Variants in NRXN3 observed in about 807,000 individuals in gnomAD.
The protein encoded by NRXN3 is neurexin 3.
A neutral mutation model predicts 137.6 loss-of-function variants in NRXN3; 32 were observed. The ratio of observed to expected loss-of-function variants is 0.23; its 90% CI spans 0.18 to 0.31. The LOEUF (loss-of-function observed/expected upper bound fraction) is 0.31. Among genes scored for constraint, NRXN3 ranks in the 10% least tolerant of loss-of-function variants. The pLI is 1.00. For synonymous variants in NRXN3, 798 were observed against 784.5 expected, an observed-to-expected ratio of 1.02 and a Z score of -0.29; for missense variants, 1,574 against 2,062.5, an observed-to-expected ratio of 0.76 and a Z score of 4.59.
intron 4 of NRXN3, among the ~76,000 whole-genome samples, chr14:78,487,530 G>A (rs971436118): frequency 1.2e-4 from 18 of 152,106 alleles, no homozygotes; most frequent in African/African-American, 4.3e-4. Flanking sequence ...ATCACTTGAG[G>A]TCAGGAGTTC....
intron 19 of NRXN3, among the ~76,000 whole-genome samples, chr14:79,753,105 C>A (rs979699566): frequency 4.0e-5 from 6 of 151,334 alleles, no homozygotes; most frequent in African/African-American, 1.2e-4. Flanking sequence ...AATAGGAACA[C>A]TTTTACACTG....
intron 15 of NRXN3, among the ~76,000 whole-genome samples, chr14:79,085,677 G>A (rs1316280457): frequency 2.4e-4 from 37 of 152,022 alleles, no homozygotes; most frequent in Admixed American, 2.4e-3. Flanking sequence ...GGGAAAGGAA[G>A]CACAAAAAAT....
intron 20 of NRXN3, among the ~76,000 whole-genome samples, chr14:79,851,593 T>C (rs988982253): frequency 7.2e-5 from 11 of 152,150 alleles, no homozygotes; most frequent in African/African-American, 2.7e-4. Context: ...AAAGAGTTCT[T>C]AGGAGTGGTT....
intron 19 of NRXN3, among the ~76,000 whole-genome samples, chr14:79,775,732 A>G (rs2099094938): frequency 6.6e-6 from 1 of 152,160 alleles, no homozygotes; most frequent in Admixed American, 6.6e-5. Context: ...CACTAAGTAG[A>G]CATTCTAGCC....
chr14:78,964,674 G>C (rs2099414148), intron 11 of NRXN3, among the ~76,000 whole-genome samples: 1 of 152,084 alleles, frequency 6.6e-6, no homozygotes, highest in Non-Finnish European at 1.5e-5. Flanking sequence ...GTAGAACATG[G>C]TTTGTTATGT....
At chr14:78,354,563 T>G (rs2083999087) in intron 4 of NRXN3, among the ~76,000 whole-genome samples, 1 of 152,172 alleles carries the variant, frequency 6.6e-6, no homozygotes, top group African/African-American at 2.4e-5. Context: ...CAATCTCGAA[T>G]GATCATTGGG....
chr14:79,736,207 A>G (rs1340877478), intron 19 of NRXN3, among the ~76,000 whole-genome samples: 2 of 152,248 alleles, frequency 1.3e-5, no homozygotes, highest in South Asian at 2.1e-4. Context: ...TCTACCAAAT[A>G]GAATACAATA....
intron 8 of NRXN3, among the ~76,000 whole-genome samples, chr14:78,759,602 G>A (rs1163096073): frequency 1.4e-4 from 22 of 152,056 alleles, no homozygotes; most frequent in Non-Finnish European, 4.4e-5. Context: ...TCTGAAATTG[G>A]CCTCGCATTG....
intron 4 of NRXN3, among the ~76,000 whole-genome samples, chr14:78,400,141 G>A (rs2091913091): frequency 6.6e-6 from 1 of 152,124 alleles, no homozygotes; most frequent in African/African-American, 2.4e-5. Flanking sequence ...ATGCAGCCAT[G>A]GCAGAAAAAG....
chr14:79,175,897 C>T (rs2062283698), intron 15 of NRXN3, among the ~76,000 whole-genome samples: 1 of 152,216 alleles, frequency 6.6e-6, no homozygotes, highest in Non-Finnish European at 1.5e-5. Flanking sequence ...TGAATATCAT[C>T]AGCACACATT....
chr14:78,838,455 C>T (rs1218144313), intron 10 of NRXN3, among the ~76,000 whole-genome samples: 1 of 152,116 alleles, frequency 6.6e-6, no homozygotes, highest in Non-Finnish European at 1.5e-5. Context: ...ATAATAGCTG[C>T]CATTTCTGGA....
chr14:78,621,743 C>G (rs997591832), intron 4 of NRXN3, among the ~76,000 whole-genome samples: 2 of 152,116 alleles, frequency 1.3e-5, no homozygotes, highest in African/African-American at 4.8e-5. Flanking sequence ...CTATGTGTTT[C>G]GGTTGATGTA....
chr14:79,427,698 G>A (rs1054535786), intron 15 of NRXN3, among the ~76,000 whole-genome samples: 1 of 151,968 alleles, frequency 6.6e-6, no homozygotes, highest in Non-Finnish European at 1.5e-5. Context: ...CGGGAGTGGT[G>A]GCATGTGCCT....
At chr14:78,406,111 G>A (rs1477812192) in intron 4 of NRXN3, among the ~76,000 whole-genome samples, 2 of 152,202 alleles carry the variant, frequency 1.3e-5, no homozygotes, top group African/African-American at 4.8e-5. Flanking sequence ...CATGCTAAGG[G>A]CTAGGAAGTT....
intron 15 of NRXN3, chr14:79,279,630 A>T: frequency 1.0e-6 from 1 of 986,616 alleles, no homozygotes; most frequent in Non-Finnish European, 1.2e-6. Flanking sequence ...GCTGGTTTTC[A>T]TCCAGTTGGG....
At chr14:79,199,236 C>T (rs1462462928) in intron 15 of NRXN3, among the ~76,000 whole-genome samples, 1 of 150,842 alleles carries the variant, frequency 6.6e-6, no homozygotes, top group African/African-American at 2.4e-5. Flanking sequence ...TCTCTTCCTT[C>T]TTCTCTTTCT....
intron 1 of NRXN3, among the ~76,000 whole-genome samples, chr14:78,241,620 G>GAA (rs112699569): frequency 2.2e-5 from 3 of 134,264 alleles, no homozygotes; most frequent in African/African-American, 2.7e-5. Flanking sequence ...ACTCTGTCTC[G>GAA]AAAAAAAAAA....
intron 10 of NRXN3, among the ~76,000 whole-genome samples, chr14:78,954,529 A>G (rs1181628739): frequency 6.6e-6 from 1 of 152,050 alleles, no homozygotes; most frequent in African/African-American, 2.4e-5. Context: ...CAGTGGCGCA[A>G]TCTCAGCTCA....
rs576754005 is a variant in NRXN3, at chr14:78,556,256, C to T, written c.758-88864C>T. The stretch of plus-strand genomic sequence containing the variant: ...TAATTCATACATCTATTATGCAACT[C>T]ATGCCAAGAGGCTGGTTAAATTGGA... On this transcript the variant is annotated intron_variant, in intron 4 of 20. Transcript: ENST00000335750. Among the ~76,000 whole-genome samples the T allele has an allele frequency of 3.0e-4, 45 of 152,336 alleles. 2 individuals carry two copies. The South Asian group carries it at 9.3e-3, about 32-fold the overall frequency.
Sources: gnomAD v4.1 joint callset for allele counts (sites outside exome capture counted in the v4.1 genomes callset) on GRCh38, gnomAD v4.1.1 for gene constraint, MANE v1.5 for transcripts, NCBI Gene and HGNC (gene_info 2026-07-23, HGNC 2026-07-21) for gene names.